The following APLN variants were observed in gnomAD, a reference collection of about 807,000 sequenced individuals.
APLN encodes AGTRL1 ligand.
Under a neutral mutation model 4.3 loss-of-function variants are expected in APLN, and 2 were observed. The observed-to-expected ratio is 0.46, with a 90% CI of 0.19 to 1.45. The LOEUF (loss-of-function observed/expected upper bound fraction) is 1.45, where lower values mean the gene tolerates loss of function less well. Ranked by LOEUF, APLN falls within the 40% of genes most tolerant of loss-of-function variation. The probability of loss-of-function intolerance (pLI) is 0.25; values close to 1 mark genes in which losing one functional copy is unlikely to be tolerated. For synonymous variants in APLN, 34 were observed against 30.4 expected (o/e 1.12, Z -0.38); for missense variants, 80 against 70.0 (o/e 1.14, Z -0.51).
At position 129,647,356 on chromosome X, in the gene APLN, C is replaced by A; in HGVS notation, c.*567G>T. 1 of 236,286 alleles carries A rather than the reference C, an allele frequency of 4.2e-6. No homozygotes were observed. Among genetic ancestry groups the A allele is most frequent in the Non-Finnish European group, 8.0e-6 (1 of 125,567 alleles). The allele number at this position is 236,286 out of a possible 1,213,427, so 19.5% of individuals were successfully genotyped here. On this transcript the variant is annotated 3_prime_UTR_variant, in exon 3 of 3. Coordinates refer to ENST00000429967, the MANE Select transcript of APLN (RefSeq NM_017413.5). ...AACGCTGATGCTCCACCCACTTCAC[C>A]AGAGCTCCTGAAAACCACCCTGGCA...
At chrX:129,648,004 C>G in intron 2 of APLN, 87 bp from the exon 3 acceptor site, 6 of 937,272 alleles carry the variant, frequency 6.4e-6, no homozygotes, top group Non-Finnish European at 6.8e-6. Flanking sequence ...GAGAGGAGAC[C>G]GCCTTCTCTT....
chrX:129,651,226 A>G (rs1287072248), intron 1 of APLN, among the ~76,000 whole-genome samples: 1 of 110,217 alleles, frequency 9.1e-6, no homozygotes, highest in African/African-American at 3.3e-5. Flanking sequence ...GGCCCTGGAG[A>G]GCAGCCCCAG....
rs1337900861 is a variant in APLN, at chrX:129,648,060, A to C, written c.*6-143T>G. On this transcript the variant is annotated intron_variant, in intron 2 of 2. Coordinates refer to ENST00000429967, the MANE Select transcript of APLN (RefSeq NM_017413.5). ...CCAAACCTCAATCCCAAGGCCCCTGAGTTGGTGCCTGCCTGTCCCCACTGC... is the reference window on the plus strand; with the variant it reads ...CCAAACCTCAATCCCAAGGCCCCTGCGTTGGTGCCTGCCTGTCCCCACTGC... 11 of 798,099 alleles carry C rather than the reference A, an allele frequency of 1.4e-5. No homozygotes were observed. The African/African-American group carries it at 2.2e-4, about 16-fold the overall frequency. The allele number at this position is 798,099 out of a possible 1,213,427, so 65.8% of individuals were successfully genotyped here.
intron 1 of APLN, among the ~76,000 whole-genome samples, chrX:129,649,633 G>A (rs772524402): frequency 1.8e-5 from 2 of 111,694 alleles, no homozygotes; most frequent in Non-Finnish European, 3.8e-5. Context: ...CCAGGAGGGG[G>A]GTGGGCTGTT....
chrX:129,646,773 C>CCTT lies in APLN; in HGVS notation c.*1147_*1149dup, dbSNP rs1323820291. On this transcript the variant is annotated 3_prime_UTR_variant, in exon 3 of 3. Transcript: ENST00000429967. ...TGGGGGCAGCTGGCCAGTTATGGAA[C>CCTT]CTTCCAGCCCAGCTGGGGGAATGGT... is the stretch of plus-strand genomic sequence containing the variant. 1 of 112,193 alleles carries CCTT rather than the reference C, an allele frequency of 8.9e-6. No individual in the cohort carries two copies. Among genetic ancestry groups the CCTT allele is most frequent in the African/African-American group, 3.2e-5 (1 of 30,774 alleles). 9.2% of individuals were successfully genotyped at this position (112,193 alleles called of 1,213,427 possible).
intron 1 of APLN, among the ~76,000 whole-genome samples, chrX:129,653,088 G>A (rs1402916342): frequency 8.9e-6 from 1 of 112,449 alleles, no homozygotes; most frequent in Non-Finnish European, 1.9e-5. Flanking sequence ...TCTGTTACCT[G>A]CCTGACAGGA....
chrX:129,648,727 G>T lies in APLN; in HGVS notation c.133C>A (p.Pro45Thr). 2 of 1,177,739 alleles carry T rather than the reference G, an allele frequency of 1.7e-6. No individual in the cohort carries two copies. Among genetic ancestry groups the T allele is most frequent in the Non-Finnish European group, 2.3e-6 (2 of 878,102 alleles). The change falls in exon 2 of 3, where the codon CCC becomes ACC. Residue 45 changes from proline (P) to threonine (T), a missense_variant. By Grantham distance (38) the Pro-to-Thr change is conservative (BLOSUM62 -1). Coordinates refer to ENST00000429967, the MANE Select transcript of APLN (RefSeq NM_017413.5). ...CCTGGCCCATTCCTTGACCCTCTGGGCTGCACCAGGTGGCGGACATTGCCG... is the reference window on the plus strand; with the variant it reads ...CCTGGCCCATTCCTTGACCCTCTGGTCTGCACCAGGTGGCGGACATTGCCG... ...EDGNVRHLVQ[P>T]RGSRNGPGPW...
intron 1 of APLN, among the ~76,000 whole-genome samples, chrX:129,651,046 G>T (rs1049841333): frequency 4.9e-5 from 5 of 101,165 alleles, no homozygotes; most frequent in African/African-American, 2.2e-4. Context: ...GCCAGGAGGG[G>T]GAGGGCATCA....
Position 129,647,523 on chromosome X carries a change from C to A in APLN, c.*400G>T, listed in dbSNP as rs1569468685. The A allele has an allele frequency of 3.9e-6, 3 of 769,006 alleles. No individual in the cohort carries two copies. The highest frequency in any genetic ancestry group is 8.7e-5 in the Admixed American group (2 of 23,070). The allele number at this position is 769,006 out of a possible 1,213,427, so 63.4% of individuals were successfully genotyped here. A position where few individuals can be genotyped will look rare whatever the true frequency, so the allele number is the denominator to read the frequency against. On this transcript the variant is annotated 3_prime_UTR_variant, in exon 3 of 3. Coordinates refer to ENST00000429967, the MANE Select transcript of APLN (RefSeq NM_017413.5). ...CAGGAAAACAAGGGATCTGCTGGAGCCCACAGAAGGGAGCACTTCCACCCC... is the reference window on the plus strand; with the variant it reads ...CAGGAAAACAAGGGATCTGCTGGAGACCACAGAAGGGAGCACTTCCACCCC...
At chrX:129,653,798 C>G (rs992187945) in intron 1 of APLN, among the ~76,000 whole-genome samples, 2 of 111,893 alleles carry the variant, frequency 1.8e-5, no homozygotes, top group Non-Finnish European at 3.8e-5. Flanking sequence ...GAAGCATGTC[C>G]GTGCCTGGGA....
chrX:129,654,538 G>A, intron 1 of APLN, 26 bp downstream of exon 1: 1 of 1,144,514 alleles, frequency 8.7e-7, no homozygotes, highest in Non-Finnish European at 1.2e-6. Context: ...GCTGCAGCCC[G>A]GGCGAGCGGG....
At chrX:129,650,855 C>T (rs2235307) in intron 1 of APLN, among the ~76,000 whole-genome samples, 10,432 of 111,344 alleles carry the variant, frequency 0.094, 567 homozygotes, top group African/African-American at 0.19. Context: ...TCACTGAGGG[C>T]GGATCTGAAT....
intron 1 of APLN, 140 bp downstream of exon 1, chrX:129,654,424 G>C (rs1250956753): frequency 2.2e-6 from 1 of 460,407 alleles, no homozygotes; most frequent in Non-Finnish European, 3.2e-6. Context: ...CTGTCAATCT[G>C]CTGCCTGGCG....
At position 129,647,548 on chromosome X, in the gene APLN, C is replaced by T. The variant is rs766962211; in HGVS notation, c.*375G>A. ...CCCACAGAAGGGAGCACTTCCACCC[C>T]GCGCTCAGGGCAGACATGAGGAAGG... On this transcript the variant is annotated 3_prime_UTR_variant, in exon 3 of 3. Transcript: ENST00000429967. The T allele has an allele frequency of 8.0e-4, 722 of 902,599 alleles. No individual in the cohort carries two copies. Among genetic ancestry groups the T allele is most frequent in the Non-Finnish European group, 1.0e-3 (701 of 701,646 alleles). 74.4% of individuals were successfully genotyped at this position (902,599 alleles called of 1,213,427 possible). A position where few individuals can be genotyped will look rare whatever the true frequency, so the allele number is the denominator to read the frequency against.
At chrX:129,652,227 G>A (rs1424487768) in intron 1 of APLN, among the ~76,000 whole-genome samples, 1 of 111,683 alleles carries the variant, frequency 9.0e-6, no homozygotes, top group Non-Finnish European at 1.9e-5. Flanking sequence ...TGGACCAGGA[G>A]TTCTCAGACT....
At chrX:129,652,296 C>T (rs750796671) in intron 1 of APLN, among the ~76,000 whole-genome samples, 1 of 111,158 alleles carries the variant, frequency 9.0e-6, no homozygotes, top group African/African-American at 3.3e-5. Flanking sequence ...GTGGTGGTAG[C>T]GGGGTGATGA....
At position 129,645,338 on chromosome X, in the gene APLN, A is replaced by G. The variant is rs1028887382; in HGVS notation, c.*2585T>C. 1.8e-4 allele frequency: 20 copies of G among 112,749 alleles called. No homozygotes were observed. The highest frequency in any genetic ancestry group is 3.6e-4 in the Non-Finnish European group (19 of 53,428). 9.3% of individuals were successfully genotyped at this position (112,749 alleles called of 1,213,427 possible). ...TCTACTTTGTGAAACATAAAATGATACAAACAAAGTCATTATCAAATGTAT... is the reference window on the plus strand; with the variant it reads ...TCTACTTTGTGAAACATAAAATGATGCAAACAAAGTCATTATCAAATGTAT... On this transcript the variant is annotated 3_prime_UTR_variant, in exon 3 of 3. Coordinates refer to ENST00000429967, the MANE Select transcript of APLN (RefSeq NM_017413.5).
At position 129,647,463 on chromosome X, in the gene APLN, T is replaced by C. The variant is rs1936947539; in HGVS notation, c.*460A>G. 2.5e-6 allele frequency: 1 copy of C among 399,765 alleles called. No homozygotes were observed. Among genetic ancestry groups the C allele is most frequent in the African/African-American group, 2.7e-5 (1 of 37,610 alleles). The allele number at this position is 399,765 out of a possible 1,213,427, so 32.9% of individuals were successfully genotyped here. ...GAGTCTCTCCTTGCTTTTCTCTGCA[T>C]TCTTCCCTGGAGGCCAGGTGAGGGG... On this transcript the variant is annotated 3_prime_UTR_variant, in exon 3 of 3. Transcript: ENST00000429967.
rs773015400 is a variant in APLN at position 129,648,606 on chromosome X, C to G, written c.*5+15G>C. The G allele has an allele frequency of 1.2e-5, 15 of 1,203,315 alleles. No individual in the cohort carries two copies. The Admixed American group carries it at 3.1e-4, about 25-fold the overall frequency. On this transcript the variant is annotated intron_variant, in intron 2 of 2. Transcript: ENST00000429967. ...CTCCGCTTTAGCACTGTCCACTGAA[C>G]AGAGGCTCAAGTACCTGCTTCAGAA...
Sources: allele counts gnomAD v4.1 joint callset (sites outside exome capture counted in the v4.1 genomes callset), GRCh38; gene constraint gnomAD v4.1.1; transcripts MANE v1.5; gene names NCBI Gene and HGNC (gene_info 2026-07-23, HGNC 2026-07-21).